The following CAST variants were observed in gnomAD, a reference collection of about 807,000 sequenced individuals.
CAST encodes calpastatin.
Under a neutral mutation model 119.6 loss-of-function variants are expected in CAST, and 76 were observed. The observed-to-expected ratio is 0.64, with a 90% confidence interval of 0.53 to 0.77. CAST has a LOEUF of 0.77. Ranked by LOEUF, CAST falls within the 30% of genes least tolerant of loss-of-function variation. The pLI, the probability that CAST is intolerant of heterozygous loss-of-function variation, is 0.00. For synonymous variants in CAST, 319 were observed against 331.6 expected, an observed-to-expected ratio of 0.96 and a Z score of 0.41; for missense variants, 953 against 946.5, an observed-to-expected ratio of 1.01 and a Z score of -0.09.
chr5:96,768,022 ACTCTT>A, intron 29 of CAST, 23 bp downstream of exon 29: 6 of 1,467,382 alleles, frequency 4.1e-6, no homozygotes, highest in Non-Finnish European at 5.7e-6. Context: ...TTCACATTTC[ACTCTT>A]TGAAATGTGT....
At chr5:96,597,734 A>G (rs1462227885) in intron 1 of CAST, among the ~76,000 whole-genome samples, 1 of 152,126 alleles carries the variant, frequency 6.6e-6, no homozygotes, top group Non-Finnish European at 1.5e-5. Context: ...CCAAATAATT[A>G]TCGTGTCTCC....
chr5:96,767,392 C>T lies in CAST; in HGVS notation c.2131-46C>T, dbSNP rs1254295827. On this transcript the variant is annotated intron_variant, in intron 27 of 31. Transcript: ENST00000675179. ...CTCTACTGCCTAAACCTAAGTAAAC[C>T]TTTACAGATATCTATGCTTAACCAA... 3 of 1,522,608 alleles carry T rather than the reference C, an allele frequency of 2.0e-6. No individual in the cohort carries two copies. The African/African-American group carries it at 4.1e-5, about 21-fold the overall frequency. 94.3% of individuals were successfully genotyped at this position (1,522,608 alleles called of 1,614,324 possible).
At chr5:96,461,951 T>A in the CAST span, among the ~76,000 whole-genome samples, 1 of 152,206 alleles carries the variant, frequency 6.6e-6, no homozygotes, top group Admixed American at 6.5e-5. Context: ...GCAGCTCAGG[T>A]GGACAGCACT....
At chr5:96,204,477 G>T in the CAST span, among the ~76,000 whole-genome samples, 1 of 152,012 alleles carries the variant, frequency 6.6e-6, no homozygotes, top group African/African-American at 2.4e-5. Context: ...GTGAAAACTA[G>T]GTCCTCTACT....
the CAST span, among the ~76,000 whole-genome samples, chr5:96,335,023 G>A: frequency 6.6e-6 from 1 of 151,948 alleles, no homozygotes; most frequent in East Asian, 1.9e-4. Context: ...GTTCAAGGCC[G>A]ACCCCAGTTA....
At chr5:96,337,453 T>C in the CAST span, among the ~76,000 whole-genome samples, 16 of 152,314 alleles carry the variant, frequency 1.1e-4, no homozygotes, top group East Asian at 1.2e-3. Flanking sequence ...CATAGTACAC[T>C]GAAGAAAGGG....
the CAST span, among the ~76,000 whole-genome samples, chr5:96,188,039 G>A: frequency 6.6e-6 from 1 of 152,032 alleles, no homozygotes; most frequent in South Asian, 2.1e-4. Context: ...CACCCACCTG[G>A]GACTGCCACA....
the CAST span, among the ~76,000 whole-genome samples, chr5:96,338,291 C>A: frequency 6.6e-6 from 1 of 152,308 alleles, no homozygotes; most frequent in South Asian, 2.1e-4. Context: ...AAAAACTCTG[C>A]ATCGTTTTTT....
At chr5:96,752,227 T>C (rs1484984891) in intron 20 of CAST, among the ~76,000 whole-genome samples, 1 of 152,232 alleles carries the variant, frequency 6.6e-6, no homozygotes, top group Admixed American at 6.5e-5. Context: ...GTTTTAGTCC[T>C]TACTCCTGTT....
chr5:96,671,783 G>A (rs1349743992), intron 1 of CAST, among the ~76,000 whole-genome samples: 1 of 152,244 alleles, frequency 6.6e-6, no homozygotes, highest in Admixed American at 6.5e-5. Flanking sequence ...GTTACACGTA[G>A]TAGTGGTCAG....
At chr5:96,342,772 C>T in the CAST span, among the ~76,000 whole-genome samples, 1 of 152,302 alleles carries the variant, frequency 6.6e-6, no homozygotes, top group South Asian at 2.1e-4. Flanking sequence ...CACATTTGCA[C>T]ATCTCTGAAA....
At chr5:96,720,814 G>A (rs1286926350) in intron 3 of CAST, among the ~76,000 whole-genome samples, 2 of 152,242 alleles carry the variant, frequency 1.3e-5, no homozygotes, top group Non-Finnish European at 2.9e-5. Context: ...ACATTTGGAT[G>A]TGTGGAAAAT....
At chr5:96,756,909 G>A (rs998958326) in intron 22 of CAST, among the ~76,000 whole-genome samples, 2 of 152,168 alleles carry the variant, frequency 1.3e-5, no homozygotes, top group Non-Finnish European at 2.9e-5. Flanking sequence ...GTTGCAGAGC[G>A]TTTCACTGAC....
At chr5:96,628,753 C>T (rs1393897580) in intron 1 of CAST, among the ~76,000 whole-genome samples, 1 of 152,162 alleles carries the variant, frequency 6.6e-6, no homozygotes, top group Non-Finnish European at 1.5e-5. Flanking sequence ...TTAGTTTAAC[C>T]TTCAGAACCC....
At position 96,563,724 on chromosome 5, in the gene CAST, G is replaced by A. The variant is rs114960201; in HGVS notation, c.60+33844G>A. ...GGTATATGGTATACGGTTCACTGCC[G>A]CACTTACTGAATTCCATTGCTAATT... On this transcript the variant is annotated intron_variant, in intron 1 of 11. Coordinates refer to the CAST transcript ENST00000505143. Among the ~76,000 whole-genome samples the A allele has an allele frequency of 5.2e-3, 789 of 152,114 alleles. 13 individuals are homozygous for A. Among genetic ancestry groups the A allele is most frequent in the African/African-American group, 0.018 (751 of 41,462 alleles).
At chr5:96,426,045 C>T in the CAST span, 1 of 706,040 alleles carries the variant, frequency 1.4e-6, no homozygotes, top group East Asian at 2.7e-5. Context: ...GCAATATTTT[C>T]ATTTGACTAC....
At chr5:96,412,578 T>G in the CAST span, 1 of 1,262,350 alleles carries the variant, frequency 7.9e-7, no homozygotes, top group African/African-American at 1.5e-5. Flanking sequence ...TTTGTATTTT[T>G]AAAGGATTTT....
At chr5:96,044,078 C>G in the CAST span, among the ~76,000 whole-genome samples, 1 of 152,138 alleles carries the variant, frequency 6.6e-6, no homozygotes, top group Admixed American at 6.5e-5. Context: ...ATAACAAAAC[C>G]TAATACAATA....
intron 1 of CAST, among the ~76,000 whole-genome samples, chr5:96,612,140 C>T (rs1383608786): frequency 6.6e-6 from 1 of 152,160 alleles, no homozygotes; most frequent in Non-Finnish European, 1.5e-5. Context: ...TATTCCTGTA[C>T]TTGTATGTTC....
Sources: gnomAD v4.1 joint callset for allele counts (sites outside exome capture counted in the v4.1 genomes callset) on GRCh38, gnomAD v4.1.1 for gene constraint, MANE v1.5 for transcripts, NCBI Gene and HGNC (gene_info 2026-07-23, HGNC 2026-07-21) for gene names.